Variants in NEK4 observed in about 807,000 individuals in gnomAD.
The protein encoded by NEK4 is NIMA related kinase 4, also known as serine/threonine-protein kinase Nek4.
A neutral mutation model predicts 98.4 loss-of-function variants in NEK4; 86 were observed. The observed-to-expected ratio is 0.87, with a 90% confidence interval of 0.73 to 1.05. The LOEUF (loss-of-function observed/expected upper bound fraction) is 1.05. Ranked by LOEUF, NEK4 falls within the 50% of genes least tolerant of loss-of-function variation. The pLI, the probability that NEK4 is intolerant of heterozygous loss-of-function variation, is 0.00. For missense variants in NEK4, 898 were observed against 950.3 expected (o/e 0.94, Z 0.72); for synonymous variants, 328 against 342.2 (o/e 0.96, Z 0.46).
chr3:52,763,129 G>T (rs892075600), intron 5 of NEK4, among the ~76,000 whole-genome samples: 2 of 152,102 alleles, frequency 1.3e-5, no homozygotes, highest in African/African-American at 4.8e-5. Context: ...GCCTCTCTTT[G>T]TTCAATCAAG....
chr3:52,734,764 C>A, intron 15 of NEK4: 1 of 232,816 alleles, frequency 4.3e-6, no homozygotes, highest in South Asian at 6.7e-5. Flanking sequence ...AAGTCTACAA[C>A]ATTGAATTCA....
At chr3:52,744,428 G>A (rs536707460) in intron 10 of NEK4, 123 bp from the exon 11 acceptor site, 5 of 789,154 alleles carry the variant, frequency 6.3e-6, no homozygotes, top group Non-Finnish European at 8.8e-6. Context: ...GCTCACACTT[G>A]TAATCCCAGC....
intron 14 of NEK4, 25 bp from the exon 15 acceptor site, chr3:52,737,744 G>A: frequency 6.3e-7 from 1 of 1,575,940 alleles, no homozygotes; most frequent in Non-Finnish European, 8.6e-7. Context: ...CAAAGACAAA[G>A]GGAAAAATAA....
intron 15 of NEK4, among the ~76,000 whole-genome samples, chr3:52,714,160 G>A (rs1410941817): frequency 3.9e-5 from 6 of 152,170 alleles, no homozygotes; most frequent in African/African-American, 7.2e-5. Context: ...GACTTGAGCT[G>A]GTGAGGCAGA....
intron 12 of NEK4, among the ~76,000 whole-genome samples, chr3:52,742,732 T>C (rs937524497): frequency 1.3e-5 from 2 of 152,170 alleles, no homozygotes; most frequent in African/African-American, 2.4e-5. Context: ...TCACAGCAGA[T>C]TGAGCAAAGT....
chr3:52,753,417 T>A (rs954825521), intron 6 of NEK4: 3 of 359,432 alleles, frequency 8.3e-6, no homozygotes, highest in South Asian at 2.2e-5. Context: ...GAACTCTACA[T>A]TGAAGGCACA....
At position 52,710,065 on chromosome 3, in the gene NEK4, A is replaced by G. The variant is rs1333879394; in HGVS notation, c.*1712T>C. 6.6e-6 allele frequency: 1 copy of G among 152,282 alleles called. No individual in the cohort carries two copies. The highest frequency in any genetic ancestry group is 1.5e-5 in the Non-Finnish European group (1 of 68,126). The allele number at this position is 152,282 out of a possible 1,614,324, so 9.4% of individuals were successfully genotyped here. ...ACCTGGCACACAGTAAACTCTAAAT[A>G]AAAATCTGTTAAGTGTGCCGGGCGC... On this transcript the variant is annotated 3_prime_UTR_variant, in exon 16 of 16. Transcript: ENST00000233027.
At chr3:52,719,381 C>T (rs2097358107) in intron 15 of NEK4, among the ~76,000 whole-genome samples, 2 of 151,960 alleles carry the variant, frequency 1.3e-5, no homozygotes. Flanking sequence ...CATTGGAGTA[C>T]AAGACCAGCC....
At chr3:52,733,343 C>A in intron 15 of NEK4, 1 of 359,570 alleles carries the variant, frequency 2.8e-6, no homozygotes, top group South Asian at 2.7e-5. Flanking sequence ...TCAAAGAATT[C>A]ATCCTGGAGA....
intron 10 of NEK4, among the ~76,000 whole-genome samples, chr3:52,745,309 G>A (rs1300537503): frequency 4.6e-5 from 7 of 151,946 alleles, no homozygotes; most frequent in African/African-American, 7.2e-5. Context: ...GGCCGGGTGC[G>A]GTGGTTCATA....
At chr3:52,765,796 A>G in intron 4 of NEK4, 91 bp downstream of exon 4, 1 of 777,256 alleles carries the variant, frequency 1.3e-6, no homozygotes, top group Non-Finnish European at 2.2e-6. Flanking sequence ...TTACTCATTG[A>G]CTCATCAAAA....
chr3:52,728,684 G>A (rs1009174700), intron 15 of NEK4, among the ~76,000 whole-genome samples: 5 of 152,084 alleles, frequency 3.3e-5, no homozygotes, highest in Non-Finnish European at 2.9e-5. Flanking sequence ...TGAGGGGTCG[G>A]GCAAAATAGA....
chr3:52,717,212 A>C (rs1214986547), intron 15 of NEK4, among the ~76,000 whole-genome samples: 1 of 152,094 alleles, frequency 6.6e-6, no homozygotes, highest in Non-Finnish European at 1.5e-5. Context: ...TTTGAGACCC[A>C]GCCTGGCCAA....
intron 6 of NEK4, among the ~76,000 whole-genome samples, chr3:52,759,691 CA>C (rs1023644790): frequency 6.6e-6 from 1 of 150,474 alleles, no homozygotes. Context: ...AAAGTCAAAC[CA>C]AAAAAAAAGT....
chr3:52,770,936 G>A lies in NEK4; in HGVS notation c.-190C>T. 1.7e-6 allele frequency: 1 copy of A among 597,790 alleles called. No individual in the cohort carries two copies. Among genetic ancestry groups the A allele is most frequent in the Non-Finnish European group, 2.9e-6 (1 of 339,198 alleles). The allele number at this position is 597,790 out of a possible 1,614,324, so 37.0% of individuals were successfully genotyped here. Reference sequence around the variant, plus strand: ...GCCATAGCGATCCGGGCCGGGAGCAGTTCTGCGCATGCTCCTGCGTCCCCA... The same window carrying A: ...GCCATAGCGATCCGGGCCGGGAGCAATTCTGCGCATGCTCCTGCGTCCCCA... On this transcript the variant is annotated 5_prime_UTR_variant, in exon 1 of 16. Coordinates refer to ENST00000233027, the MANE Select transcript of NEK4 (RefSeq NM_003157.6).
intron 12 of NEK4, among the ~76,000 whole-genome samples, chr3:52,742,174 G>A (rs1387075655): frequency 1.3e-5 from 2 of 152,108 alleles, no homozygotes; most frequent in Non-Finnish European, 2.9e-5. Flanking sequence ...CTCCTAAGCA[G>A]AAGGCTTGTT....
chr3:52,738,473 C>T (rs2097380126), intron 14 of NEK4, among the ~76,000 whole-genome samples: 1 of 148,654 alleles, frequency 6.7e-6, no homozygotes, highest in South Asian at 2.1e-4. Context: ...TTTTTTGAGA[C>T]AGGATCTTGC....
intron 1 of NEK4, among the ~76,000 whole-genome samples, chr3:52,770,039 C>T (rs1698718022): frequency 6.6e-6 from 1 of 151,980 alleles, no homozygotes; most frequent in Admixed American, 6.6e-5. Flanking sequence ...TGAGAGGAGG[C>T]CTATTGTCTT....
intron 15 of NEK4, among the ~76,000 whole-genome samples, chr3:52,737,145 C>T (rs2097377436): frequency 1.3e-5 from 2 of 152,006 alleles, no homozygotes; most frequent in Non-Finnish European, 1.5e-5. Context: ...CCACTCACCA[C>T]GTTGGCCAGG....
Sources: gnomAD v4.1 joint callset for allele counts (sites outside exome capture counted in the v4.1 genomes callset) on GRCh38, gnomAD v4.1.1 for gene constraint, MANE v1.5 for transcripts, NCBI Gene and HGNC (gene_info 2026-07-23, HGNC 2026-07-21) for gene names.